The following CLEC1A variants were observed in gnomAD, a reference collection of about 807,000 sequenced individuals.
The protein encoded by CLEC1A is C-type lectin-like receptor-1.
A neutral mutation model predicts 28.7 loss-of-function variants in CLEC1A; 34 were observed. The ratio of observed to expected loss-of-function variants is 1.18; its 90% CI spans 0.90 to 1.57. CLEC1A has a LOEUF of 1.57. Among genes scored for constraint, CLEC1A ranks in the 40% most tolerant of loss-of-function variants. CLEC1A has a pLI of 0.00. For synonymous variants in CLEC1A, 116 were observed against 121.0 expected (o/e 0.96, Z 0.27); for missense variants, 385 against 339.5 (o/e 1.13, Z -1.05).
intron 3 of CLEC1A, among the ~76,000 whole-genome samples, chr12:10,076,718 G>A (rs947607662): frequency 3.9e-5 from 6 of 152,132 alleles, no homozygotes; most frequent in Non-Finnish European, 5.9e-5. Context: ...GAGTAAATAC[G>A]TAAAAAACAG....
chr12:10,097,611 C>CT (rs1947794597), intron 1 of CLEC1A, among the ~76,000 whole-genome samples: 1 of 151,302 alleles, frequency 6.6e-6, no homozygotes, highest in Non-Finnish European at 1.5e-5. Context: ...CTCCACCTCC[C>CT]TCTCCACCCT....
At chr12:10,083,758 C>A (rs575201557) in intron 2 of CLEC1A, among the ~76,000 whole-genome samples, 29 of 152,242 alleles carry the variant, frequency 1.9e-4, no homozygotes, top group African/African-American at 7.0e-4. Flanking sequence ...CAGGCATGAG[C>A]CACCATGTCC....
chr12:10,071,612 T>A, intron 5 of CLEC1A, 99 bp from the exon 6 acceptor site: 1 of 990,024 alleles, frequency 1.0e-6, no homozygotes, highest in Non-Finnish European at 1.4e-6. Context: ...ATAGTCTAGA[T>A]ACCAGAATAA....
chr12:10,075,855 A>G (rs1866242064), intron 3 of CLEC1A, among the ~76,000 whole-genome samples, 200 bp from the exon 4 acceptor site: 1 of 152,210 alleles, frequency 6.6e-6, no homozygotes, highest in African/African-American at 2.4e-5. Context: ...AGTATGTTGT[A>G]GAAATTAAAA....
rs142731441 is a variant in CLEC1A, at chr12:10,094,809, C to T, written c.115+3999G>A. Among the ~76,000 whole-genome samples the T allele has an allele frequency of 5.6e-3, 860 of 152,280 alleles. 11 individuals are homozygous for T. The highest frequency in any genetic ancestry group is 0.02 in the African/African-American group (815 of 41,558). ...TAAATTTAATCATACTTCCTCTCTT[C>T]CATAGGAAGAAGTTTCCCAAGGCTC... On this transcript the variant is annotated intron_variant, in intron 1 of 5. Coordinates refer to ENST00000315330, the MANE Select transcript of CLEC1A (RefSeq NM_016511.4).
intron 3 of CLEC1A, 22 bp from the exon 4 acceptor site, chr12:10,075,677 T>C: frequency 6.2e-7 from 1 of 1,610,468 alleles, no homozygotes; most frequent in Non-Finnish European, 8.5e-7. Flanking sequence ...GCCAATTTTA[T>C]TGTTATTTTC....
intron 2 of CLEC1A, among the ~76,000 whole-genome samples, chr12:10,087,472 TTATATATATATATA>T (rs200437169): frequency 0.47 from 35,381 of 75,256 alleles, 8,890 homozygotes; most frequent in Middle Eastern, 0.61. Flanking sequence ...TACCTCAAAG[TTATATATATATATA>T]TATATATATA....
At chr12:10,093,669 C>T (rs560279803) in intron 1 of CLEC1A, among the ~76,000 whole-genome samples, 1 of 151,868 alleles carries the variant, frequency 6.6e-6, no homozygotes, top group Non-Finnish European at 1.5e-5. Context: ...GTGCATGTTA[C>T]AAACTAGTTG....
intron 1 of CLEC1A, among the ~76,000 whole-genome samples, chr12:10,091,392 T>C (rs1424507686): frequency 6.7e-6 from 1 of 148,746 alleles, no homozygotes; most frequent in Admixed American, 6.6e-5. Flanking sequence ...TTTACAGGTT[T>C]TTGTTTTTGT....
chr12:10,080,792 C>T (rs1201382659), intron 3 of CLEC1A, among the ~76,000 whole-genome samples: 1 of 152,150 alleles, frequency 6.6e-6, no homozygotes. Flanking sequence ...TGATACCCAG[C>T]CAAGTTATCC....
chr12:10,095,855 C>T (rs998179473), intron 1 of CLEC1A, among the ~76,000 whole-genome samples: 3 of 152,138 alleles, frequency 2.0e-5, no homozygotes, highest in Non-Finnish European at 4.4e-5. Context: ...CTCCAAGACT[C>T]CTGCTTCTAC....
At chr12:10,093,061 T>G (rs1387582811) in intron 1 of CLEC1A, among the ~76,000 whole-genome samples, 1 of 152,142 alleles carries the variant, frequency 6.6e-6, no homozygotes, top group African/African-American at 2.4e-5. Context: ...AGTTTCACTT[T>G]TTCTTTTTCT....
chr12:10,074,998 A>C (rs2137331200), intron 4 of CLEC1A, among the ~76,000 whole-genome samples: 1 of 152,370 alleles, frequency 6.6e-6, no homozygotes, highest in South Asian at 2.1e-4. Flanking sequence ...TGCGTGTACT[A>C]ACTCAATATA....
intron 3 of CLEC1A, among the ~76,000 whole-genome samples, chr12:10,079,818 TA>T (rs58997693): frequency 0.26 from 38,918 of 148,930 alleles, 5,403 homozygotes; most frequent in African/African-American, 0.37. Context: ...GACTCTGTCT[TA>T]AAAAAAAAAA....
intron 1 of CLEC1A, among the ~76,000 whole-genome samples, chr12:10,096,339 A>C (rs1427748248): frequency 3.3e-5 from 5 of 152,146 alleles, no homozygotes. Flanking sequence ...CTCACATGTA[A>C]CCAATCACCG....
At chr12:10,074,720 CA>C (rs1483127108) in intron 4 of CLEC1A, among the ~76,000 whole-genome samples, 1 of 152,052 alleles carries the variant, frequency 6.6e-6, no homozygotes, top group East Asian at 1.9e-4. Context: ...AGAAAAATTA[CA>C]GAGGTTCTTT....
intron 4 of CLEC1A, among the ~76,000 whole-genome samples, chr12:10,074,689 G>T (rs545431491): frequency 1.3e-5 from 2 of 152,246 alleles, no homozygotes; most frequent in Admixed American, 1.3e-4. Context: ...TCGAGAAAGG[G>T]TTATAAAATA....
chr12:10,085,928 T>C (rs976188593), intron 2 of CLEC1A, among the ~76,000 whole-genome samples: 1 of 152,220 alleles, frequency 6.6e-6, no homozygotes, highest in East Asian at 1.9e-4. Flanking sequence ...AAAGGCCATA[T>C]GATAGGCCAC....
In CLEC1A at chr12:10,085,985, T is replaced by TTC. The variant is rs1245543908; in HGVS notation, c.214+3137_214+3138dup. 5.3e-5 allele frequency among the ~76,000 whole-genome samples: 8 copies of TTC among 152,290 alleles called. No individual in the cohort carries two copies. In the Middle Eastern group the frequency reaches 0.01, roughly 194 times the overall value. On this transcript the variant is annotated intron_variant, in intron 2 of 5. Transcript: ENST00000315330. ...AAGAAAACTGAAATTATATCAAGTA[T>TTC]TCTCTCAAAGCATAGTGAAATAAAA...
Sources: allele counts gnomAD v4.1 joint callset (sites outside exome capture counted in the v4.1 genomes callset), GRCh38; gene constraint gnomAD v4.1.1; transcripts MANE v1.5; gene names NCBI Gene and HGNC (gene_info 2026-07-23, HGNC 2026-07-21).